EYS: variants seen among roughly 807,000 people sequenced by gnomAD.
EYS encodes the protein protein eyes shut homolog.
In EYS, 250 loss-of-function variants were observed where a neutral mutation model predicts 282.1. The observed-to-expected ratio is 0.89, with a 90% CI of 0.80 to 0.98. EYS has a LOEUF of 0.98. Among genes scored for constraint, EYS ranks in the 50% least tolerant of loss-of-function variants. EYS has a pLI of 0.00. For synonymous variants in EYS, 1,355 were observed against 1,282.9 expected (o/e 1.06, Z -1.20); for missense variants, 4,016 against 3,709.0 (o/e 1.08, Z -2.15).
At chr6:64,052,238 C>T (rs1175412067) in intron 33 of EYS, among the ~76,000 whole-genome samples, 1 of 152,036 alleles carries the variant, frequency 6.6e-6, no homozygotes, top group African/African-American at 2.4e-5. Flanking sequence ...TCCTCTTATT[C>T]CTGAGCCTAG....
At chr6:64,980,013 G>A (rs983604789) in intron 14 of EYS, among the ~76,000 whole-genome samples, 15 of 151,492 alleles carry the variant, frequency 9.9e-5, no homozygotes, top group African/African-American at 3.4e-4. Context: ...AGGTGATGGT[G>A]TATAATAGAA....
intron 35 of EYS, among the ~76,000 whole-genome samples, chr6:63,919,301 A>G (rs381931): frequency 0.66 from 89,804 of 135,390 alleles, 30,109 homozygotes; most frequent in South Asian, 0.75. Context: ...GGAAGGGGAA[A>G]AGGGAACAGA....
chr6:65,262,945 T>C (rs1161933753), intron 12 of EYS, among the ~76,000 whole-genome samples: 1 of 152,150 alleles, frequency 6.6e-6, no homozygotes, highest in Non-Finnish European at 1.5e-5. Flanking sequence ...TCCAAGTCCA[T>C]TGTATAACTC....
intron 5 of EYS, among the ~76,000 whole-genome samples, chr6:65,453,375 A>T (rs1764477323): frequency 6.6e-6 from 1 of 151,942 alleles, no homozygotes; most frequent in East Asian, 1.9e-4. Flanking sequence ...AAATTTATTT[A>T]AAAAATATTT....
chr6:64,318,743 T>C (rs1770080568), intron 29 of EYS, among the ~76,000 whole-genome samples: 1 of 151,744 alleles, frequency 6.6e-6, no homozygotes, highest in African/African-American at 2.4e-5. Flanking sequence ...TTTGTATGTG[T>C]GTGATTTTTT....
In EYS at chr6:65,306,832, C is replaced by CAAAAAAAAAAAAAAAAAAAAAAAAAA. The variant is rs201743269; in HGVS notation, c.1767-10739_1767-10714dup. Among the ~76,000 whole-genome samples the CAAAAAAAAAAAAAAAAAAAAAAAAAA allele has an allele frequency of 2.3e-3, 119 of 51,748 alleles. 2 individuals carry two copies. Among genetic ancestry groups the CAAAAAAAAAAAAAAAAAAAAAAAAAA allele is most frequent in the Middle Eastern group, 0.017 (1 of 60 alleles). 33.9% of individuals were successfully genotyped at this position (51,748 alleles called of 152,430 possible). A position where few individuals can be genotyped will look rare whatever the true frequency, so the allele number is the denominator to read the frequency against. On this transcript the variant is annotated intron_variant, in intron 11 of 42. Coordinates refer to ENST00000503581, the MANE Select transcript of EYS (RefSeq NM_001142800.2). ...TGGGCAGCAGAGCAAGAGTCCGTCTCAAAAAAAAAAAAAAAAAAAAAAAAA... is the reference window on the plus strand; with the variant it reads ...TGGGCAGCAGAGCAAGAGTCCGTCTCAAAAAAAAAAAAAAAAAAAAAAAAAAAAAAAAAAAAAAAAAAAAAAAAAAA...
At chr6:65,079,256 T>C (rs944125978) in intron 12 of EYS, among the ~76,000 whole-genome samples, 1 of 152,050 alleles carries the variant, frequency 6.6e-6, no homozygotes, top group Non-Finnish European at 1.5e-5. Flanking sequence ...GTGTTCAATA[T>C]GGTAATCAGT....
chr6:65,276,390 G>C (rs1173114575), intron 12 of EYS, among the ~76,000 whole-genome samples: 1 of 151,864 alleles, frequency 6.6e-6, no homozygotes, highest in Non-Finnish European at 1.5e-5. Flanking sequence ...GTTACAAAGA[G>C]GGAAGTGCTT....
At chr6:64,092,401 T>G (rs1273469765) in intron 31 of EYS, among the ~76,000 whole-genome samples, 1 of 152,174 alleles carries the variant, frequency 6.6e-6, no homozygotes, top group Non-Finnish European at 1.5e-5. Context: ...CTCCACATCC[T>G]CTCCAGCACC....
At chr6:64,417,378 G>A (rs1189573239) in intron 28 of EYS, among the ~76,000 whole-genome samples, 1 of 152,068 alleles carries the variant, frequency 6.6e-6, no homozygotes, top group Admixed American at 6.6e-5. Flanking sequence ...GCTAGAATTT[G>A]CTTTTAATTT....
chr6:65,186,936 T>C (rs891430819), intron 12 of EYS, among the ~76,000 whole-genome samples: 1 of 151,790 alleles, frequency 6.6e-6, no homozygotes, highest in Non-Finnish European at 1.5e-5. Flanking sequence ...ACCCCTTTTT[T>C]ATATTTCCTC....
intron 22 of EYS, among the ~76,000 whole-genome samples, chr6:64,795,983 C>T (rs541970483): frequency 1.3e-5 from 2 of 151,944 alleles, no homozygotes; most frequent in African/African-American, 2.4e-5. Context: ...GACTTGCGTA[C>T]GTGGATGAGT....
At chr6:64,469,641 G>C (rs546384073) in intron 26 of EYS, among the ~76,000 whole-genome samples, 4 of 152,006 alleles carry the variant, frequency 2.6e-5, no homozygotes, top group Non-Finnish European at 5.9e-5. Context: ...CAAGCGGACC[G>C]TAGTCTAGGG....
In EYS at chr6:65,057,685, G is replaced by A. The variant is rs1294478596; in HGVS notation, c.2066C>T (p.Pro689Leu). 6.4e-7 allele frequency: 1 copy of A among 1,550,952 alleles called. No individual in the cohort carries two copies. Among genetic ancestry groups the A allele is most frequent in the East Asian group, 2.4e-5 (1 of 40,866 alleles). The stretch of plus-strand genomic sequence containing the variant: ...AATGCAGGTGGCTCCATTTTTGCAG[G>A]GATGTGAAGCACACTCATCTATATC... ...EIDIDECASH[P>L]CKNGATCIDQ... Residue 689 changes from proline (P) to leucine (L), a missense_variant, in exon 13 of 43, where the codon CCC becomes CTC. Transcript: ENST00000503581.
intron 22 of EYS, chr6:64,631,418 C>T (rs929767818): frequency 1.3e-5 from 2 of 152,298 alleles, no homozygotes; most frequent in South Asian, 2.1e-4. Flanking sequence ...TTCCCATAAT[C>T]ATTCTGCTAG....
intron 21 of EYS, 51 bp downstream of exon 21, chr6:64,821,594 C>T: frequency 1.0e-6 from 1 of 989,038 alleles, no homozygotes; most frequent in Non-Finnish European, 1.5e-6. Context: ...TTTGATTTTT[C>T]TTTTAAATTA....
intron 41 of EYS, among the ~76,000 whole-genome samples, chr6:63,750,042 C>T (rs1399506781): frequency 6.6e-6 from 1 of 152,176 alleles, no homozygotes; most frequent in African/African-American, 2.4e-5. Flanking sequence ...TGCTGTTAAA[C>T]CCCTATAATG....
chr6:64,923,623 C>T (rs1450664847), intron 15 of EYS, among the ~76,000 whole-genome samples: 1 of 152,078 alleles, frequency 6.6e-6, no homozygotes, highest in Non-Finnish European at 1.5e-5. Flanking sequence ...AAATCAAAAG[C>T]AAGATAGTTA....
Position 65,150,017 on chromosome 6 carries a change from G to C in EYS, c.2024-92290C>G, listed in dbSNP as rs145131287. ...ATGCCAGATGTTTACAAAACCATCA[G>C]ATCTCAGGAGAACTCACTATCATGA... On this transcript the variant is annotated intron_variant, in intron 12 of 42. Transcript: ENST00000503581. Among the ~76,000 whole-genome samples, 687 of 152,094 alleles carry C rather than the reference G, an allele frequency of 4.5e-3. 5 individuals are homozygous for C. The highest frequency in any genetic ancestry group is 0.015 in the African/African-American group (639 of 41,516).
Sources: gnomAD v4.1 joint callset for allele counts (sites outside exome capture counted in the v4.1 genomes callset) on GRCh38, gnomAD v4.1.1 for gene constraint, MANE v1.5 for transcripts, NCBI Gene and HGNC (gene_info 2026-07-23, HGNC 2026-07-21) for gene names.